The following SLC1A1 variants were observed in gnomAD, a reference collection of about 807,000 sequenced individuals.
The protein encoded by SLC1A1 is excitatory amino acid transporter 3.
SLC1A1 carries 43 observed loss-of-function variants against 53.3 expected under a neutral mutation model. The ratio of observed to expected loss-of-function variants is 0.81; its 90% CI spans 0.63 to 1.04. SLC1A1 has a LOEUF of 1.04. Among genes scored for constraint, SLC1A1 ranks in the 50% least tolerant of loss-of-function variants. The pLI, the probability that SLC1A1 is intolerant of heterozygous loss-of-function variation, is 0.00. For missense variants in SLC1A1, 748 were observed against 664.9 expected, an observed-to-expected ratio of 1.12 and a Z score of -1.37; for synonymous variants, 307 against 243.2, an observed-to-expected ratio of 1.26 and a Z score of -2.44.
intron 1 of SLC1A1, among the ~76,000 whole-genome samples, chr9:4,498,186 T>G (rs72687839): frequency 0.033 from 4,965 of 152,134 alleles, 132 homozygotes; most frequent in South Asian, 0.059. Flanking sequence ...GCTAAGGGGG[T>G]TCAAAGGGCA....
intron 1 of SLC1A1, among the ~76,000 whole-genome samples, chr9:4,500,690 G>A (rs1377795388): frequency 6.6e-6 from 1 of 152,156 alleles, no homozygotes; most frequent in Non-Finnish European, 1.5e-5. Flanking sequence ...GTACTCTGTT[G>A]TAATTAGTAC....
chr9:4,515,874 CTG>C (rs1385512657), intron 1 of SLC1A1, among the ~76,000 whole-genome samples: 2 of 152,304 alleles, frequency 1.3e-5, no homozygotes, highest in East Asian at 1.9e-4. Context: ...GCCTTCTGTC[CTG>C]TGTGTTTCCA....
intron 10 of SLC1A1, among the ~76,000 whole-genome samples, chr9:4,580,547 C>G (rs1466075248): frequency 6.7e-6 from 1 of 148,858 alleles, no homozygotes; most frequent in Non-Finnish European, 1.5e-5. Context: ...TGCCACTGAA[C>G]TCCAGCCTGG....
At chr9:4,500,599 C>G (rs1253999525) in intron 1 of SLC1A1, among the ~76,000 whole-genome samples, 1 of 152,194 alleles carries the variant, frequency 6.6e-6, no homozygotes, top group African/African-American at 2.4e-5. Context: ...GTGTGAGCCA[C>G]TGCACTGCGC....
intron 2 of SLC1A1, among the ~76,000 whole-genome samples, chr9:4,548,142 G>T (rs151222488): frequency 2.7e-4 from 41 of 152,186 alleles, no homozygotes; most frequent in Middle Eastern, 6.8e-3. Context: ...CTCCAATTTT[G>T]CCTCTGGTCG....
intron 10 of SLC1A1, among the ~76,000 whole-genome samples, chr9:4,580,801 T>C (rs1350331147): frequency 1.3e-5 from 2 of 152,072 alleles, no homozygotes; most frequent in Non-Finnish European, 2.9e-5. Context: ...ATAATACCAG[T>C]GGCAGCAGCG....
chr9:4,518,786 C>T (rs922531154), intron 1 of SLC1A1, among the ~76,000 whole-genome samples: 1 of 152,172 alleles, frequency 6.6e-6, no homozygotes, highest in Non-Finnish European at 1.5e-5. Flanking sequence ...GGGAGAGGCA[C>T]AAGTGACAGG....
chr9:4,498,201 A>G (rs1820506809), intron 1 of SLC1A1, among the ~76,000 whole-genome samples: 1 of 152,200 alleles, frequency 6.6e-6, no homozygotes, highest in African/African-American at 2.4e-5. Flanking sequence ...AGGGCATTAC[A>G]AGATGATAAA....
intron 1 of SLC1A1, among the ~76,000 whole-genome samples, chr9:4,529,325 G>A (rs1043027309): frequency 8.5e-5 from 13 of 152,288 alleles, no homozygotes; most frequent in African/African-American, 3.1e-4. Context: ...GGGCCACACT[G>A]AATTGCTTGA....
rs577059812 is a variant in SLC1A1 at position 4,505,015 on chromosome 9, C to T, written c.91+14245C>T. ...TGGATTAGGTGGAGTTTCGTGTGTG[C>T]GATGTGGGGGTGTATGTGTACATAT... On this transcript the variant is annotated intron_variant, in intron 1 of 11. Transcript: ENST00000262352. 3.3e-4 allele frequency among the ~76,000 whole-genome samples: 48 copies of T among 145,328 alleles called. 2 individuals are homozygous for T. The highest frequency in any genetic ancestry group is 2.3e-3 in the Admixed American group (33 of 14,546).
At chr9:4,585,273 AT>A (rs1821485082) in intron 11 of SLC1A1, 38 bp from the exon 12 acceptor site, 2 of 1,612,166 alleles carry the variant, frequency 1.2e-6, no homozygotes, top group Admixed American at 3.3e-5. Context: ...GGAAAATGAA[AT>A]CTGGGCCTCC....
At chr9:4,540,016 T>C (rs1816868044) in intron 1 of SLC1A1, among the ~76,000 whole-genome samples, 1 of 152,210 alleles carries the variant, frequency 6.6e-6, no homozygotes, top group African/African-American at 2.4e-5. Context: ...CATACATTCT[T>C]GTTTTCCTGC....
chr9:4,544,483 T>G, intron 1 of SLC1A1, 84 bp from the exon 2 acceptor site: 1 of 1,182,440 alleles, frequency 8.5e-7, no homozygotes, highest in Non-Finnish European at 1.3e-6. Context: ...AAAATGTGCA[T>G]TTGGGAGTAT....
chr9:4,545,375 T>C (rs1197231590), intron 2 of SLC1A1, among the ~76,000 whole-genome samples: 1 of 152,178 alleles, frequency 6.6e-6, no homozygotes, highest in Non-Finnish European at 1.5e-5. Flanking sequence ...GAGGAAAATG[T>C]CATTTTCAAA....
At position 4,576,606 on chromosome 9, in the gene SLC1A1, G is replaced by A; in HGVS notation, c.1036G>A (p.Glu346Lys). The change falls in exon 10 of 12, where the codon GAA becomes AAA. Residue 346 changes from glutamate to lysine, a missense_variant. Glu to Lys is a moderately conservative substitution (Grantham distance 56). Transcript: ENST00000262352. ...GCCTGTCACCTTCCGCTGTGCTGAA[G>A]AAAATAACCAGGTGGACAAGAGGAT... The part of the protein sequence containing the change: ...TLPVTFRCAE[E>K]NNQVDKRITR... 1.2e-6 allele frequency: 2 copies of A among 1,614,202 alleles called. No individual in the cohort carries two copies. Among genetic ancestry groups the A allele is most frequent in the Non-Finnish European group, 1.7e-6 (2 of 1,180,040 alleles).
At position 4,576,113 on chromosome 9, in the gene SLC1A1, A is replaced by T. The variant is rs749480903; in HGVS notation, c.988A>T (p.Ile330Phe). The part of the protein sequence containing the change: ...MAQALLTALM[I>F]SSSSATLPVT... ...CCAGGCTCTCCTGACAGCTCTCATG[A>T]TCTCTTCCAGGTAAACAGAAGAGGG... The change falls in exon 9 of 12, where the codon ATC (isoleucine) becomes TTC (phenylalanine). Residue 330 changes from isoleucine (I) to phenylalanine (F), a missense_variant. Transcript: ENST00000262352. 1.2e-6 allele frequency: 2 copies of T among 1,613,960 alleles called. No homozygotes were observed. Among genetic ancestry groups the T allele is most frequent in the Non-Finnish European group, 8.5e-7 (1 of 1,179,816 alleles).
At chr9:4,544,864 G>A (rs960722341) in intron 2 of SLC1A1, among the ~76,000 whole-genome samples, 157 bp downstream of exon 2, 2 of 152,192 alleles carry the variant, frequency 1.3e-5, no homozygotes, top group South Asian at 2.1e-4. Context: ...CATGGCGGAA[G>A]GCAAAGGGGA....
intron 3 of SLC1A1, 110 bp downstream of exon 3, chr9:4,561,651 G>C (rs1805311): frequency 1.3e-6 from 1 of 778,692 alleles, no homozygotes; most frequent in African/African-American, 1.7e-5. Context: ...CAGAAATCTG[G>C]GAGGCTGATG....
chr9:4,501,155 G>A (rs566876646), intron 1 of SLC1A1, among the ~76,000 whole-genome samples: 1 of 148,190 alleles, frequency 6.7e-6, no homozygotes, highest in Non-Finnish European at 1.5e-5. Flanking sequence ...GAAGGCTCTT[G>A]ATAGTAGAAA....
Sources: allele counts gnomAD v4.1 joint callset (sites outside exome capture counted in the v4.1 genomes callset), GRCh38; gene constraint gnomAD v4.1.1; transcripts MANE v1.5; gene names NCBI Gene and HGNC (gene_info 2026-07-23, HGNC 2026-07-21).